The following MAML3 variants were observed in gnomAD, a reference collection of about 807,000 sequenced individuals.
MAML3 encodes the protein mastermind-like protein 3.
In MAML3, 27 loss-of-function variants were observed where a neutral mutation model predicts 101.9. The ratio of observed to expected loss-of-function variants is 0.27; its 90% CI spans 0.20 to 0.37. The LOEUF is 0.37. Among genes scored for constraint, MAML3 ranks in the 10% least tolerant of loss-of-function variants. The pLI, the probability that MAML3 is intolerant of heterozygous loss-of-function variation, is 1.00. For synonymous variants in MAML3, 501 were observed against 555.9 expected, an observed-to-expected ratio of 0.90 and a Z score of 1.39; for missense variants, 1,316 against 1,444.9, an observed-to-expected ratio of 0.91 and a Z score of 1.45.
At chr4:140,002,689 C>T (rs924984834) in intron 1 of MAML3, among the ~76,000 whole-genome samples, 10 of 152,138 alleles carry the variant, frequency 6.6e-5, no homozygotes, top group African/African-American at 2.4e-4. Context: ...TGTGGCTGCC[C>T]TCAAGGATAA....
At chr4:140,109,987 C>T (rs1275387679) in intron 1 of MAML3, among the ~76,000 whole-genome samples, 1 of 152,194 alleles carries the variant, frequency 6.6e-6, no homozygotes, top group African/African-American at 2.4e-5. Flanking sequence ...TCTCACATGG[C>T]TGCTTTGCAA....
At chr4:140,131,593 C>G (rs1428273639) in intron 1 of MAML3, among the ~76,000 whole-genome samples, 1 of 152,238 alleles carries the variant, frequency 6.6e-6, no homozygotes, top group African/African-American at 2.4e-5. Flanking sequence ...ATTTCAAAAA[C>G]TAATTCTGGG....
chr4:139,825,519 G>C (rs573900948), intron 2 of MAML3, among the ~76,000 whole-genome samples: 1 of 152,266 alleles, frequency 6.6e-6, no homozygotes, highest in Non-Finnish European at 1.5e-5. Flanking sequence ...AGATTCCGTG[G>C]CCATGTGTGT....
At chr4:139,979,623 A>C (rs1231618680) in intron 1 of MAML3, among the ~76,000 whole-genome samples, 2 of 152,200 alleles carry the variant, frequency 1.3e-5, no homozygotes, top group Non-Finnish European at 2.9e-5. Context: ...CCTCATGAAT[A>C]GCAGTAAGGC....
At chr4:139,936,295 G>A (rs1560841950) in intron 1 of MAML3, among the ~76,000 whole-genome samples, 1 of 152,050 alleles carries the variant, frequency 6.6e-6, no homozygotes, top group Non-Finnish European at 1.5e-5. Flanking sequence ...TTCATCAGTC[G>A]ATGGATACTT....
At chr4:140,085,906 T>C (rs1413411070) in intron 1 of MAML3, among the ~76,000 whole-genome samples, 2 of 152,220 alleles carry the variant, frequency 1.3e-5, no homozygotes, top group Admixed American at 6.5e-5. Context: ...TCCTACAGAT[T>C]TCTTCTTGGC....
At chr4:140,137,279 C>T (rs745595437) in intron 1 of MAML3, among the ~76,000 whole-genome samples, 73 of 152,358 alleles carry the variant, frequency 4.8e-4, no homozygotes, top group Non-Finnish European at 9.6e-4. Flanking sequence ...TGAGCCACCG[C>T]GCCCGGCCTA....
intron 2 of MAML3, among the ~76,000 whole-genome samples, chr4:139,873,941 C>G (rs1455941931): frequency 6.6e-6 from 1 of 152,144 alleles, no homozygotes; most frequent in Non-Finnish European, 1.5e-5. Context: ...CAATAGATAA[C>G]TAATATGGTA....
chr4:140,027,051 T>C (rs1245121893), intron 1 of MAML3, among the ~76,000 whole-genome samples: 1 of 148,248 alleles, frequency 6.7e-6, no homozygotes, highest in Non-Finnish European at 1.5e-5. Flanking sequence ...GAAAGAAAAA[T>C]AGTAGAAAAA....
chr4:139,999,684 T>C (rs541449787), intron 1 of MAML3, among the ~76,000 whole-genome samples: 13 of 152,344 alleles, frequency 8.5e-5, no homozygotes, highest in African/African-American at 2.9e-4. Flanking sequence ...CCATCCAATA[T>C]AACTTGTATA....
Position 140,006,585 on chromosome 4 carries a change from C to CA in MAML3, c.469-115619dup, listed in dbSNP as rs34273207. Among the ~76,000 whole-genome samples the CA allele has an allele frequency of 9.7e-3, 902 of 93,228 alleles. 28 individuals carry two copies. The highest frequency in any genetic ancestry group is 0.032 in the African/African-American group (788 of 24,596). The allele number at this position is 93,228 out of a possible 152,430, so 61.2% of individuals were successfully genotyped here. A position where few individuals can be genotyped will look rare whatever the true frequency, so the allele number is the denominator to read the frequency against. On this transcript the variant is annotated intron_variant, in intron 1 of 4. Transcript: ENST00000509479. ...TGGGTGACAGAGCGAAACTCTGTCT[C>CA]AAAAAAAAAAAAAAAAAAGTGAAAA...
intron 1 of MAML3, among the ~76,000 whole-genome samples, chr4:140,024,069 T>C (rs1726781125): frequency 6.6e-6 from 1 of 152,134 alleles, no homozygotes; most frequent in Admixed American, 6.5e-5. Flanking sequence ...TTATTCTAAG[T>C]AATGTATATG....
intron 4 of MAML3, among the ~76,000 whole-genome samples, chr4:139,723,822 G>T (rs1039111132): frequency 6.6e-6 from 1 of 152,158 alleles, no homozygotes; most frequent in Non-Finnish European, 1.5e-5. Context: ...GCTCTCAAGC[G>T]TGGTTCCCTA....
chr4:140,152,798 G>GCCCCCCCCCCCCCCCCCCC, intron 1 of MAML3, 62 bp downstream of exon 1: 11 of 1,555,766 alleles, frequency 7.1e-6, no homozygotes, highest in Non-Finnish European at 9.5e-6. Flanking sequence ...AGCTCCACGC[G>GCCCCCCCCCCCCCCCCCCC]CCCCCCACCA....
intron 1 of MAML3, among the ~76,000 whole-genome samples, chr4:140,088,922 T>C (rs957958899): frequency 1.3e-5 from 2 of 152,190 alleles, no homozygotes; most frequent in African/African-American, 2.4e-5. Context: ...CAAATCATCA[T>C]TGAACAAATG....
chr4:139,943,786 C>T (rs1327873073), intron 1 of MAML3, among the ~76,000 whole-genome samples: 1 of 150,852 alleles, frequency 6.6e-6, no homozygotes, highest in African/African-American at 2.4e-5. Context: ...TCTGATAACA[C>T]GATCTGTTGA....
chr4:139,985,301 C>T (rs533974048), intron 1 of MAML3, among the ~76,000 whole-genome samples: 2 of 152,266 alleles, frequency 1.3e-5, no homozygotes, highest in East Asian at 1.9e-4. Context: ...CAAGAGTGAG[C>T]GTAGGAACAT....
At chr4:139,762,280 T>A (rs1050096819) in intron 2 of MAML3, among the ~76,000 whole-genome samples, 1 of 152,134 alleles carries the variant, frequency 6.6e-6, no homozygotes, top group African/African-American at 2.4e-5. Flanking sequence ...AAAGGAAGAA[T>A]GGGAACAGAA....
intron 2 of MAML3, among the ~76,000 whole-genome samples, chr4:139,775,109 G>A (rs966311429): frequency 3.3e-5 from 5 of 152,160 alleles, no homozygotes; most frequent in African/African-American, 1.2e-4. Flanking sequence ...GGCTTCTCAT[G>A]GCTGCATGGT....
Sources: gnomAD v4.1 joint callset for allele counts (sites outside exome capture counted in the v4.1 genomes callset) on GRCh38, gnomAD v4.1.1 for gene constraint, MANE v1.5 for transcripts, NCBI Gene and HGNC (gene_info 2026-07-23, HGNC 2026-07-21) for gene names.